Variants in GMFB observed in about 807,000 individuals in gnomAD.
GMFB encodes GMF-beta.
In GMFB, 13 loss-of-function variants were observed where a neutral mutation model predicts 25.6. That is an observed-to-expected ratio of 0.51 (90% CI 0.33 to 0.81). The LOEUF is 0.81. Ranked by LOEUF, GMFB falls within the 30% of genes least tolerant of loss-of-function variation. The pLI is 0.02. For missense variants in GMFB, 146 were observed against 175.4 expected, an observed-to-expected ratio of 0.83 and a Z score of 0.95; for synonymous variants, 57 against 56.9, an observed-to-expected ratio of 1.00 and a Z score of 0.00.
intron 5 of GMFB, chr14:54,480,654 G>A (rs1166195311): frequency 3.9e-5 from 15 of 380,034 alleles, no homozygotes; most frequent in East Asian, 2.1e-4. Flanking sequence ...ACAATTACAC[G>A]TCTAGAAATT....
At position 54,477,107 on chromosome 14, in the gene GMFB, A is replaced by G. The variant is rs1373658380; in HGVS notation, c.*981T>C. ...CCCAAAATTATAACTCTCGACTGCC[A>G]TATATTCACCAATGCAAGCAGATAG... On this transcript the variant is annotated 3_prime_UTR_variant, in exon 7 of 7. Transcript: ENST00000358056. The G allele has an allele frequency of 6.6e-6, 1 of 152,358 alleles. No homozygotes were observed. The highest frequency in any genetic ancestry group is 1.5e-5 in the Non-Finnish European group (1 of 67,920). 9.4% of individuals were successfully genotyped at this position (152,358 alleles called of 1,614,324 possible).
chr14:54,486,724 A>G (rs1253812125), intron 1 of GMFB, among the ~76,000 whole-genome samples: 1 of 152,188 alleles, frequency 6.6e-6, no homozygotes, highest in Admixed American at 6.5e-5. Context: ...ATCTCACGAA[A>G]CAGATACTAT....
At chr14:54,488,748 G>C (rs2031824335) in intron 1 of GMFB, 177 bp downstream of exon 1, 1 of 528,362 alleles carries the variant, frequency 1.9e-6, no homozygotes, top group Admixed American at 4.3e-5. Flanking sequence ...CCTGAGGCGT[G>C]GTGGCGGCGG....
chr14:54,486,609 A>G (rs950666415), intron 1 of GMFB, among the ~76,000 whole-genome samples: 1 of 152,216 alleles, frequency 6.6e-6, no homozygotes, highest in Non-Finnish European at 1.5e-5. Context: ...ACAACTCAAT[A>G]GCAAAAAATT....
chr14:54,477,842 G>A lies in GMFB; in HGVS notation c.*246C>T. On this transcript the variant is annotated 3_prime_UTR_variant, in exon 7 of 7. Coordinates refer to ENST00000358056, the MANE Select transcript of GMFB (RefSeq NM_004124.3). ...AGTTATAGAAATTAGTCACAAGAGT[G>A]CAAAAAGTCCCTGGAGAAAAGTAGT... 1 of 339,548 alleles carries A rather than the reference G, an allele frequency of 2.9e-6. No homozygotes were observed. Among genetic ancestry groups the A allele is most frequent in the Non-Finnish European group, 5.4e-6 (1 of 185,080 alleles). The allele number at this position is 339,548 out of a possible 1,614,324, so 21.0% of individuals were successfully genotyped here.
chr14:54,481,590 T>C (rs569395372), intron 3 of GMFB, 132 bp from the exon 4 acceptor site: 13 of 634,518 alleles, frequency 2.0e-5, no homozygotes, highest in Admixed American at 7.9e-5. Flanking sequence ...TTTATCTTAC[T>C]AAATTATACA....
Position 54,474,649 on chromosome 14 carries a change from C to T in GMFB, c.*3439G>A, listed in dbSNP as rs1404172379. 4 of 152,620 alleles carry T rather than the reference C, an allele frequency of 2.6e-5. No homozygotes were observed. The highest frequency in any genetic ancestry group is 7.2e-5 in the African/African-American group (3 of 41,446). The allele number at this position is 152,620 out of a possible 1,614,324, so 9.5% of individuals were successfully genotyped here. On this transcript the variant is annotated 3_prime_UTR_variant, in exon 7 of 7. Transcript: ENST00000358056. ...ACGATGACAGAGAACTGTTAAAATT[C>T]ACAAGACTAAACCATTAATGTTTCA...
At chr14:54,479,556 CT>C in intron 6 of GMFB, 2 of 436,394 alleles carry the variant, frequency 4.6e-6, no homozygotes, top group South Asian at 6.3e-5. Context: ...CTAACACTGC[CT>C]ATATTTTGAA....
chr14:54,477,808 C>T lies in GMFB; in HGVS notation c.*280G>A, dbSNP rs576618014. On this transcript the variant is annotated 3_prime_UTR_variant, in exon 7 of 7. Transcript: ENST00000358056. ...GGTGTCTGTAAATAGTAACAAATTC[C>T]GAACCATAAGTTATAGAAATTAGTC... 1.5e-5 allele frequency: 4 copies of T among 268,974 alleles called. No homozygotes were observed. The East Asian group carries it at 2.8e-4, about 19-fold the overall frequency. The allele number at this position is 268,974 out of a possible 1,614,324, so 16.7% of individuals were successfully genotyped here.
intron 1 of GMFB, chr14:54,488,716 G>A (rs894756676): frequency 2.2e-5 from 11 of 497,982 alleles, no homozygotes; most frequent in African/African-American, 1.6e-4. Context: ...GGTCCACCCC[G>A]GGCCCAGCTG....
chr14:54,482,064 C>T (rs2031718261), intron 3 of GMFB, 89 bp downstream of exon 3: 3 of 798,238 alleles, frequency 3.8e-6, no homozygotes, highest in Admixed American at 2.0e-5. Flanking sequence ...GTTCAAGATT[C>T]GTTTTAGAAG....
In GMFB at chr14:54,474,989, G is replaced by C. The variant is rs953280697; in HGVS notation, c.*3099C>G. 7 of 152,510 alleles carry C rather than the reference G, an allele frequency of 4.6e-5. No individual in the cohort carries two copies. The highest frequency in any genetic ancestry group is 1.3e-4 in the Admixed American group (2 of 15,272). 9.4% of individuals were successfully genotyped at this position (152,510 alleles called of 1,614,324 possible). ...ATGTTTGAAACACATCCTCACAAAA[G>C]TTGTAATGGCTCAAACTCTATAAAT... On this transcript the variant is annotated 3_prime_UTR_variant, in exon 7 of 7. Transcript: ENST00000358056.
chr14:54,486,295 C>T lies in GMFB; in HGVS notation c.4-2528G>A, dbSNP rs570271258. Among the ~76,000 whole-genome samples, 3 of 152,092 alleles carry T rather than the reference C, an allele frequency of 2.0e-5. No individual in the cohort carries two copies. The East Asian group carries it at 5.8e-4, about 29-fold the overall frequency. On this transcript the variant is annotated intron_variant, in intron 1 of 6. Coordinates refer to ENST00000358056, the MANE Select transcript of GMFB (RefSeq NM_004124.3). ...AAAACAAACAGACCCCAACTCTCAGCATATACAAAAATCAAATCAAAATGG... is the reference window on the plus strand; with the variant it reads ...AAAACAAACAGACCCCAACTCTCAGTATATACAAAAATCAAATCAAAATGG...
chr14:54,476,303 T>G lies in GMFB; in HGVS notation c.*1785A>C, dbSNP rs1190836276. ...TAAGGAACTTCATTAAAAAATACATTCTTGCAGCACTAGTTTCTCTTACTG... is the reference window on the plus strand; with the variant it reads ...TAAGGAACTTCATTAAAAAATACATGCTTGCAGCACTAGTTTCTCTTACTG... On this transcript the variant is annotated 3_prime_UTR_variant, in exon 7 of 7. Coordinates refer to ENST00000358056, the MANE Select transcript of GMFB (RefSeq NM_004124.3). 5.3e-5 allele frequency: 8 copies of G among 152,148 alleles called. No homozygotes were observed. The East Asian group carries it at 1.5e-3, about 29-fold the overall frequency. 9.4% of individuals were successfully genotyped at this position (152,148 alleles called of 1,614,324 possible).
intron 1 of GMFB, among the ~76,000 whole-genome samples, chr14:54,487,154 G>C (rs772620501): frequency 1.8e-4 from 28 of 152,172 alleles, no homozygotes; most frequent in Non-Finnish European, 1.9e-4. Flanking sequence ...TCAACACTTT[G>C]GGAGGCCGGG....
rs1301347250 is a variant in GMFB, at chr14:54,475,229, C to G, written c.*2859G>C. 1 of 152,492 alleles carries G rather than the reference C, an allele frequency of 6.6e-6. No homozygotes were observed. The highest frequency in any genetic ancestry group is 1.5e-5 in the Non-Finnish European group (1 of 67,972). The allele number at this position is 152,492 out of a possible 1,614,324, so 9.4% of individuals were successfully genotyped here. A position where few individuals can be genotyped will look rare whatever the true frequency, so the allele number is the denominator to read the frequency against. ...TTTTTAAGTACACCTTCCTTAATAT[C>G]TATATGGGTTGGGGGGAACAGCCAA... On this transcript the variant is annotated 3_prime_UTR_variant, in exon 7 of 7. Transcript: ENST00000358056.
chr14:54,488,873 G>A, intron 1 of GMFB, 52 bp downstream of exon 1: 5 of 1,516,640 alleles, frequency 3.3e-6, no homozygotes, highest in Non-Finnish European at 4.4e-6. Flanking sequence ...GGAAAACCCG[G>A]CTGGCCGGCT....
At chr14:54,479,162 T>C (rs2031678348) in intron 6 of GMFB, 1 of 152,092 alleles carries the variant, frequency 6.6e-6, no homozygotes, top group Non-Finnish European at 1.5e-5. Context: ...TCTAACACAG[T>C]TTTGGCAATA....
At chr14:54,480,747 C>A (rs576952619) in intron 5 of GMFB, 127 bp downstream of exon 5, 2 of 621,324 alleles carry the variant, frequency 3.2e-6, no homozygotes, top group South Asian at 2.0e-5. Flanking sequence ...CACACATAGA[C>A]ACAGACCCTC....
Sources: allele counts gnomAD v4.1 joint callset (sites outside exome capture counted in the v4.1 genomes callset), GRCh38; gene constraint gnomAD v4.1.1; transcripts MANE v1.5; gene names NCBI Gene and HGNC (gene_info 2026-07-23, HGNC 2026-07-21).